The following NLGN1 variants were observed in gnomAD, a reference collection of about 807,000 sequenced individuals.
NLGN1 encodes neuroligin 1, also known as neuroligin-1.
NLGN1 carries 12 observed loss-of-function variants against 65.5 expected under a neutral mutation model. The observed-to-expected ratio is 0.18, with a 90% CI of 0.12 to 0.30. NLGN1 has a LOEUF of 0.30. Ranked by LOEUF, NLGN1 falls within the 10% of genes least tolerant of loss-of-function variation. NLGN1 has a pLI of 1.00. For synonymous variants in NLGN1, 350 were observed against 359.5 expected (o/e 0.97, Z 0.30); for missense variants, 750 against 1,007.1 (o/e 0.74, Z 3.46).
intron 3 of NLGN1, among the ~76,000 whole-genome samples, chr3:173,802,685 C>T (rs1437562551): frequency 6.6e-6 from 1 of 152,128 alleles, no homozygotes; most frequent in Non-Finnish European, 1.5e-5. Flanking sequence ...ACTTCATTTA[C>T]ATCAGTCAGA....
In NLGN1 at chr3:173,401,742, G is replaced by C. The variant is rs574198550; in HGVS notation, c.-390+3255G>C. On this transcript the variant is annotated intron_variant, in intron 1 of 6. Coordinates refer to ENST00000457714, the Ensembl canonical transcript of NLGN1. ...TGGTTTTGAAAACTTAGTGTTTGCC[G>C]TGATGGCAGAGTGAATCAATACATA... 1.2e-4 allele frequency among the ~76,000 whole-genome samples: 19 copies of C among 152,254 alleles called. No individual in the cohort carries two copies. In the South Asian group the frequency reaches 1.9e-3, roughly 15 times the overall value.
chr3:173,971,282 G>C (rs913026080), intron 4 of NLGN1, among the ~76,000 whole-genome samples: 3 of 152,092 alleles, frequency 2.0e-5, no homozygotes, highest in African/African-American at 7.2e-5. Context: ...TTGTGATAAT[G>C]CTAGAAAATA....
At chr3:173,679,792 G>A (rs11708138) in intron 3 of NLGN1, among the ~76,000 whole-genome samples, 42,139 of 151,834 alleles carry the variant, frequency 0.28, 6,484 homozygotes, top group African/African-American at 0.41. Flanking sequence ...ATCTGATTTT[G>A]GTAATTGTTA....
intron 2 of NLGN1, among the ~76,000 whole-genome samples, chr3:173,461,805 C>T (rs73181019): frequency 2.2e-3 from 332 of 152,208 alleles, no homozygotes; most frequent in Middle Eastern, 6.8e-3. Flanking sequence ...TGCCTCCTCA[C>T]CTACTTTTTC....
chr3:173,921,021 C>T (rs1741902017), intron 4 of NLGN1, among the ~76,000 whole-genome samples: 1 of 151,772 alleles, frequency 6.6e-6, no homozygotes, highest in African/African-American at 2.4e-5. Flanking sequence ...TGTTGACTTA[C>T]TTATCCAACT....
chr3:173,530,437 T>C (rs1346934358), intron 2 of NLGN1, among the ~76,000 whole-genome samples: 1 of 152,164 alleles, frequency 6.6e-6, no homozygotes, highest in East Asian at 1.9e-4. Flanking sequence ...GAAGTTAAAC[T>C]CACCTAGGGG....
intron 1 of NLGN1, chr3:173,399,489 A>AT: frequency 6.6e-6 from 1 of 152,132 alleles, no homozygotes; most frequent in African/African-American, 2.4e-5. Context: ...GTAATAACAT[A>AT]TTTTCAAATG....
chr3:173,605,101 T>C lies in NLGN1; in HGVS notation c.493+10T>C. 6.3e-7 allele frequency: 1 copy of C among 1,582,088 alleles called. No homozygotes were observed. Among genetic ancestry groups the C allele is most frequent in the East Asian group, 2.2e-5 (1 of 44,506 alleles). ...GTCCCGACTGAGGATGGTGAGTTTA[T>C]TGCAGGAAAAACAGGGAGATATATT... On this transcript the variant is annotated intron_variant, in intron 3 of 6. Transcript: ENST00000457714.
At chr3:173,890,711 G>A (rs1049875047) in intron 4 of NLGN1, among the ~76,000 whole-genome samples, 37 of 152,042 alleles carry the variant, frequency 2.4e-4, no homozygotes, top group African/African-American at 8.7e-4. Flanking sequence ...CTGACGAAAA[G>A]GTTTACCTCC....
chr3:173,797,814 A>G (rs1314929717), intron 3 of NLGN1, among the ~76,000 whole-genome samples: 2 of 152,066 alleles, frequency 1.3e-5, no homozygotes, highest in East Asian at 3.9e-4. Flanking sequence ...CTCAACTAGC[A>G]ACTGAGAGCC....
chr3:174,196,288 G>A (rs951096306), intron 4 of NLGN1, among the ~76,000 whole-genome samples: 12 of 151,660 alleles, frequency 7.9e-5, no homozygotes, highest in Non-Finnish European at 5.9e-5. Flanking sequence ...TAAATCAGAA[G>A]ATAATTCTGT....
At chr3:174,140,763 AC>A (rs1379221909) in intron 4 of NLGN1, among the ~76,000 whole-genome samples, 6 of 152,172 alleles carry the variant, frequency 3.9e-5, no homozygotes, top group African/African-American at 1.2e-4. Context: ...AGTGATTTTT[AC>A]AAAGATTAAA....
rs1410193208 is a variant in NLGN1 at position 173,634,522 on chromosome 3, A to G, written c.493+29431A>G. 2.0e-5 allele frequency among the ~76,000 whole-genome samples: 3 copies of G among 152,144 alleles called. No individual in the cohort carries two copies. The East Asian group carries it at 5.8e-4, about 29-fold the overall frequency. On this transcript the variant is annotated intron_variant, in intron 3 of 6. Transcript: ENST00000457714. ...ATTAAACAATTTCTTCTTTTCAACT[A>G]GCAATAAATTATAGACCTCTTTCCA...
intron 4 of NLGN1, among the ~76,000 whole-genome samples, chr3:174,032,040 A>G (rs912223496): frequency 4.6e-5 from 7 of 152,138 alleles, no homozygotes; most frequent in African/African-American, 7.2e-5. Context: ...CTAAGAAACA[A>G]ATGATTTCCA....
intron 2 of NLGN1, among the ~76,000 whole-genome samples, chr3:173,511,145 C>T (rs1447666046): frequency 6.6e-6 from 1 of 152,108 alleles, no homozygotes; most frequent in Non-Finnish European, 1.5e-5. Context: ...AGAGAAAAAG[C>T]CCAGCTATTC....
intron 4 of NLGN1, among the ~76,000 whole-genome samples, chr3:174,004,935 A>G (rs1239658271): frequency 1.3e-5 from 2 of 152,142 alleles, no homozygotes; most frequent in African/African-American, 4.8e-5. Context: ...TACAAGTTAT[A>G]TCTTTATTAC....
intron 3 of NLGN1, among the ~76,000 whole-genome samples, chr3:173,634,302 A>T (rs1015804192): frequency 6.6e-6 from 1 of 152,162 alleles, no homozygotes; most frequent in African/African-American, 2.4e-5. Context: ...TGAGTATTAC[A>T]TCCCCTATAA....
At chr3:173,852,750 T>G (rs1382116302) in intron 4 of NLGN1, among the ~76,000 whole-genome samples, 1 of 152,228 alleles carries the variant, frequency 6.6e-6, no homozygotes, top group Non-Finnish European at 1.5e-5. Context: ...CTATACATTT[T>G]CTATATTCTA....
chr3:174,091,378 A>G (rs1744491330), intron 4 of NLGN1, among the ~76,000 whole-genome samples: 1 of 152,234 alleles, frequency 6.6e-6, no homozygotes, highest in African/African-American at 2.4e-5. Context: ...CCTGTTGAAA[A>G]CAAATGCCTT....
Sources: gnomAD v4.1 joint callset for allele counts (sites outside exome capture counted in the v4.1 genomes callset) on GRCh38, gnomAD v4.1.1 for gene constraint, MANE v1.5 for transcripts, NCBI Gene and HGNC (gene_info 2026-07-23, HGNC 2026-07-21) for gene names.